Variants in ALDH3A2 observed in about 807,000 individuals in gnomAD.
ALDH3A2 encodes the protein aldehyde dehydrogenase family 3 member A2.
Under a neutral mutation model 51.3 loss-of-function variants are expected in ALDH3A2, and 36 were observed. The ratio of observed to expected loss-of-function variants is 0.70; its 90% CI spans 0.54 to 0.93. ALDH3A2 has a LOEUF of 0.93. Among genes scored for constraint, ALDH3A2 ranks in the 40% least tolerant of loss-of-function variants. The pLI is 0.00. For missense variants in ALDH3A2, 552 were observed against 603.1 expected (o/e 0.92, Z 0.89); for synonymous variants, 199 against 219.8 (o/e 0.91, Z 0.84).
At chr17:19,655,558 G>T (rs1466284693) in intron 3 of ALDH3A2, among the ~76,000 whole-genome samples, 1 of 152,210 alleles carries the variant, frequency 6.6e-6, no homozygotes, top group Non-Finnish European at 1.5e-5. Flanking sequence ...TTGGGCAGCT[G>T]AACCATGAAG....
Position 19,676,703 on chromosome 17 carries a change from C to T in ALDH3A2, c.*1131C>T, listed in dbSNP as rs1339344334. 2 of 152,150 alleles carry T rather than the reference C, an allele frequency of 1.3e-5. No individual in the cohort carries two copies. Among genetic ancestry groups the T allele is most frequent in the Non-Finnish European group, 2.9e-5 (2 of 68,038 alleles). The allele number at this position is 152,150 out of a possible 1,614,324, so 9.4% of individuals were successfully genotyped here. A position where few individuals can be genotyped will look rare whatever the true frequency, so the allele number is the denominator to read the frequency against. On this transcript the variant is annotated 3_prime_UTR_variant, in exon 10 of 10. Transcript: ENST00000176643. Reference sequence around the variant, plus strand: ...AAAAGTACTTATAAACATACTAATCCTCTTTCAGGACCCTAAAGTTGCAGG... The same window carrying T: ...AAAAGTACTTATAAACATACTAATCTTCTTTCAGGACCCTAAAGTTGCAGG...
intron 3 of ALDH3A2, among the ~76,000 whole-genome samples, chr17:19,653,220 T>A (rs929428910): frequency 6.6e-6 from 1 of 151,848 alleles, no homozygotes. Flanking sequence ...AGTTTTTGTA[T>A]TTTTGGTAGC....
rs77644088 is a variant in ALDH3A2 at position 19,668,193 on chromosome 17, G to A, written c.1207+3146G>A. On this transcript the variant is annotated intron_variant, in intron 8 of 9. Transcript: ENST00000176643. ...AGTAAGAAAATCCTCAGTCCTATCT[G>A]TAATACATATCCCTTTCCAGATTTT... 3.9e-5 allele frequency among the ~76,000 whole-genome samples: 6 copies of A among 152,164 alleles called. No homozygotes were observed. The East Asian group carries it at 9.7e-4, about 25-fold the overall frequency.
At chr17:19,651,410 G>C (rs1187826182) in intron 1 of ALDH3A2, 137 bp from the exon 2 acceptor site, 2 of 741,620 alleles carry the variant, frequency 2.7e-6, no homozygotes, top group Non-Finnish European at 4.8e-6. Flanking sequence ...GGTGCAAAAG[G>C]AGTCTGAATG....
chr17:19,674,511 T>A (rs1242526009), intron 9 of ALDH3A2: 1 of 152,130 alleles, frequency 6.6e-6, no homozygotes, highest in African/African-American at 2.4e-5. Context: ...AACAAAAAAA[T>A]GTGGTTTGAT....
At position 19,673,195 on chromosome 17, in the gene ALDH3A2, G is replaced by C. The variant is rs759497472; in HGVS notation, c.1443+1239G>C. On this transcript the variant is annotated intron_variant, in intron 9 of 9. Transcript: ENST00000176643. ...GGAGAAAGGCCCTGTTGATTTTTCT[G>C]GTAGTTCACAGACTGCGTTGGTCCA... The C allele has an allele frequency of 2.5e-6, 4 of 1,614,132 alleles. No homozygotes were observed. The Admixed American group carries it at 6.7e-5, about 27-fold the overall frequency.
intron 3 of ALDH3A2, chr17:19,655,479 C>T (rs921957105): frequency 3.3e-5 from 5 of 152,226 alleles, no homozygotes; most frequent in Non-Finnish European, 7.4e-5. Context: ...CTTCAGTTAC[C>T]GTGTTAGGGG....
At chr17:19,662,720 A>G (rs2084982108) in intron 6 of ALDH3A2, among the ~76,000 whole-genome samples, 1 of 152,214 alleles carries the variant, frequency 6.6e-6, no homozygotes, top group African/African-American at 2.4e-5. Flanking sequence ...GATCATATAT[A>G]TGAAAGCACT....
chr17:19,676,295 C>T lies in ALDH3A2; in HGVS notation c.*723C>T, dbSNP rs1172136791. The T allele has an allele frequency of 6.6e-6, 1 of 152,314 alleles. No individual in the cohort carries two copies. The highest frequency in any genetic ancestry group is 2.4e-5 in the African/African-American group (1 of 41,458). The allele number at this position is 152,314 out of a possible 1,614,324, so 9.4% of individuals were successfully genotyped here. On this transcript the variant is annotated 3_prime_UTR_variant, in exon 10 of 10. Coordinates refer to ENST00000176643, the MANE Select transcript of ALDH3A2 (RefSeq NM_000382.3). ...AAGTTAGTTGCCAAAGTCATGCAAGCATCACCTGTCATTCTTGTGTTGGAG... is the reference window on the plus strand; with the variant it reads ...AAGTTAGTTGCCAAAGTCATGCAAGTATCACCTGTCATTCTTGTGTTGGAG...
chr17:19,671,860 T>C lies in ALDH3A2; in HGVS notation c.1347T>C (p.Asp449=), dbSNP rs1054840414. ...CTCCCAACAGCCAGTCAAAGGTGGATTGGGGAAAATTTTTTCTCTTGAAAC... is the reference window on the plus strand; with the variant it reads ...CTCCCAACAGCCAGTCAAAGGTGGACTGGGGAAAATTTTTTCTCTTGAAAC... The part of the protein sequence containing the change: ...RYPPNSQSKV[D]WGKFFLLKRF... The change falls in exon 9 of 10, where the codon GAT becomes GAC. Residue 449 remains aspartate, a synonymous_variant. Transcript: ENST00000176643. The C allele has an allele frequency of 1.9e-6, 3 of 1,614,022 alleles. No homozygotes were observed. Among genetic ancestry groups the C allele is most frequent in the East Asian group, 2.2e-5 (1 of 44,892 alleles).
At chr17:19,670,149 A>G (rs1034153266) in intron 8 of ALDH3A2, among the ~76,000 whole-genome samples, 1 of 152,182 alleles carries the variant, frequency 6.6e-6, no homozygotes, top group African/African-American at 2.4e-5. Context: ...TTATTTTTCC[A>G]GATGATCTTT....
intron 7 of ALDH3A2, 92 bp from the exon 8 acceptor site, chr17:19,664,856 A>T (rs1159507465): frequency 1.1e-6 from 1 of 881,752 alleles, no homozygotes; most frequent in Non-Finnish European, 1.9e-6. Context: ...CTTTGAGCAC[A>T]TAACTGAGCA....
At chr17:19,675,428 G>A (rs898283743) in intron 9 of ALDH3A2, 130 bp from the exon 10 acceptor site, 2 of 944,860 alleles carry the variant, frequency 2.1e-6, no homozygotes, top group African/African-American at 1.6e-5. Context: ...GTCCTTTTTT[G>A]TACAATGCAT....
At chr17:19,673,287 T>C (rs761266996) in intron 9 of ALDH3A2, 111 of 1,613,536 alleles carry the variant, frequency 6.9e-5, no homozygotes, top group Non-Finnish European at 9.4e-5. Context: ...TAGGAACTTT[T>C]TGTTTTCTTT....
intron 8 of ALDH3A2, among the ~76,000 whole-genome samples, chr17:19,666,367 A>G (rs933493477): frequency 2.0e-5 from 3 of 152,156 alleles, no homozygotes; most frequent in African/African-American, 7.2e-5. Context: ...CAACTCGGTA[A>G]TTGTTCCATA....
chr17:19,661,429 CTATT>C (rs1271701429), intron 6 of ALDH3A2, 161 bp downstream of exon 6: 1 of 822,184 alleles, frequency 1.2e-6, no homozygotes, highest in African/African-American at 1.7e-5. Flanking sequence ...TTGTTATAAA[CTATT>C]TAAAATGTCT....
At chr17:19,666,398 A>C (rs1167164089) in intron 8 of ALDH3A2, among the ~76,000 whole-genome samples, 1 of 152,118 alleles carries the variant, frequency 6.6e-6, no homozygotes, top group African/African-American at 2.4e-5. Flanking sequence ...ACTGCCCTCT[A>C]ATTGCAAATC....
intron 6 of ALDH3A2, among the ~76,000 whole-genome samples, chr17:19,662,508 T>C (rs1214492869): frequency 6.6e-6 from 1 of 152,202 alleles, no homozygotes; most frequent in East Asian, 1.9e-4. Context: ...TTACAGCATC[T>C]TTTGGAGTAC....
rs781715653 is a variant in ALDH3A2 at position 19,671,931 on chromosome 17, G to C, written c.1418G>C (p.Gly473Ala). Reference sequence around the variant, plus strand: ...GGTCTCCTGTTGCTCACTTTCCTGGGTATTGTAGCCGCTGTGCTTGTCAAG... The same window carrying C: ...GGTCTCCTGTTGCTCACTTTCCTGGCTATTGTAGCCGCTGTGCTTGTCAAG... ...KLGLLLLTFLGIVAAVLVKAE... is the reference protein window; with the variant it reads ...KLGLLLLTFLAIVAAVLVKAE... Residue 473 changes from glycine (G) to alanine (A), a missense_variant, in exon 9 of 10, where the codon GGT becomes GCT. By Grantham distance (60) the Gly-to-Ala change is moderately conservative. Coordinates refer to ENST00000176643, the MANE Select transcript of ALDH3A2 (RefSeq NM_000382.3). The C allele has an allele frequency of 6.2e-7, 1 of 1,614,122 alleles. No homozygotes were observed. The highest frequency in any genetic ancestry group is 8.5e-7 in the Non-Finnish European group (1 of 1,180,010).
Sources: allele counts gnomAD v4.1 joint callset (sites outside exome capture counted in the v4.1 genomes callset), GRCh38; gene constraint gnomAD v4.1.1; transcripts MANE v1.5; gene names NCBI Gene and HGNC (gene_info 2026-07-23, HGNC 2026-07-21).